The following CDH12 variants were observed in gnomAD, a reference collection of about 807,000 sequenced individuals.
CDH12 encodes cadherin 12.
In CDH12, 41 loss-of-function variants were observed where a neutral mutation model predicts 74.1. That is an observed-to-expected ratio of 0.55 (90% CI 0.43 to 0.72). The LOEUF is 0.72. Ranked by LOEUF, CDH12 falls within the 30% of genes least tolerant of loss-of-function variation. The probability of loss-of-function intolerance (pLI) is 0.00; values close to 1 mark genes in which losing one functional copy is unlikely to be tolerated. For missense variants in CDH12, 945 were observed against 977.2 expected (o/e 0.97, Z 0.44); for synonymous variants, 399 against 355.0 (o/e 1.12, Z -1.39).
intron 3 of CDH12, among the ~76,000 whole-genome samples, chr5:22,389,101 G>A (rs1393170411): frequency 6.6e-6 from 1 of 152,078 alleles, no homozygotes; most frequent in Non-Finnish European, 1.5e-5. Flanking sequence ...TCTAACTAAT[G>A]TCCATTTCCT....
intron 3 of CDH12, among the ~76,000 whole-genome samples, chr5:22,345,415 A>G (rs1352752510): frequency 1.3e-5 from 2 of 152,174 alleles, no homozygotes; most frequent in African/African-American, 4.8e-5. Flanking sequence ...GCATTGTTCT[A>G]AACTAAATAA....
At chr5:22,578,152 T>C (rs538741699) in intron 1 of CDH12, among the ~76,000 whole-genome samples, 1 of 152,342 alleles carries the variant, frequency 6.6e-6, no homozygotes, top group South Asian at 2.1e-4. Flanking sequence ...ATATCCAGTG[T>C]CTTTCTACTC....
chr5:22,458,902 T>C (rs1184581676), intron 2 of CDH12, among the ~76,000 whole-genome samples: 1 of 152,156 alleles, frequency 6.6e-6, no homozygotes, highest in Non-Finnish European at 1.5e-5. Context: ...GGTTTTGTTT[T>C]GGGTTTTTTC....
rs1752707404 is a variant in CDH12, at chr5:21,887,831, A to T, written c.527-33041T>A. Among the ~76,000 whole-genome samples, 7 of 152,108 alleles carry T rather than the reference A, an allele frequency of 4.6e-5. No individual in the cohort carries two copies. In the South Asian group the frequency reaches 1.5e-3, roughly 32 times the overall value. ...AGGGCCCGGGTAATTCACTGTTATG[A>T]GGGCACAACAGCTAGGAATTCAAAT... is the stretch of plus-strand genomic sequence containing the variant. On this transcript the variant is annotated intron_variant, in intron 6 of 14. Transcript: ENST00000382254.
At chr5:22,407,198 C>A (rs183677460) in intron 2 of CDH12, among the ~76,000 whole-genome samples, 138 of 152,164 alleles carry the variant, frequency 9.1e-4, no homozygotes, top group African/African-American at 3.2e-3. Flanking sequence ...CAAAAATTAT[C>A]ATTTAAGTTA....
chr5:22,207,377 G>C (rs1751279481), intron 4 of CDH12, among the ~76,000 whole-genome samples: 1 of 152,016 alleles, frequency 6.6e-6, no homozygotes, highest in South Asian at 2.1e-4. Context: ...AGCTTTGCAG[G>C]CTCTACAATC....
intron 3 of CDH12, among the ~76,000 whole-genome samples, chr5:22,257,709 C>A (rs1753368550): frequency 6.6e-6 from 1 of 151,966 alleles, no homozygotes; most frequent in Non-Finnish European, 1.5e-5. Context: ...CTATGTTAGC[C>A]AGCATGGTCT....
chr5:22,170,989 T>C (rs1361599995), intron 4 of CDH12, among the ~76,000 whole-genome samples: 1 of 151,888 alleles, frequency 6.6e-6, no homozygotes, highest in Admixed American at 6.6e-5. Context: ...TGCTTAAAAA[T>C]AGGTGCTGTC....
chr5:21,932,966 T>G, intron 6 of CDH12, among the ~76,000 whole-genome samples: 1 of 151,034 alleles, frequency 6.6e-6, no homozygotes, highest in African/African-American at 2.4e-5. Flanking sequence ...TTCTTTATCA[T>G]TGTATCTAGT....
chr5:21,870,111 A>G (rs1751539063), intron 6 of CDH12, among the ~76,000 whole-genome samples: 1 of 152,152 alleles, frequency 6.6e-6, no homozygotes, highest in African/African-American at 2.4e-5. Context: ...CCATGTAAGA[A>G]GTGACTTGCT....
intron 6 of CDH12, among the ~76,000 whole-genome samples, chr5:21,865,851 G>T (rs567687454): frequency 5.3e-5 from 8 of 152,238 alleles, no homozygotes; most frequent in Non-Finnish European, 1.5e-5. Flanking sequence ...ACATCTGTAC[G>T]AATGAGGCCA....
chr5:22,522,038 G>A (rs1737076870), intron 1 of CDH12, among the ~76,000 whole-genome samples: 1 of 152,116 alleles, frequency 6.6e-6, no homozygotes, highest in Admixed American at 6.5e-5. Flanking sequence ...AGCGTATCAG[G>A]AAAGTTTTAT....
rs529603664 is a variant in CDH12, at chr5:22,249,517, T to G, written c.-332-36874A>C. Reference sequence around the variant, plus strand: ...TCTGTGAGAAGAACATTTTGACACATCAAAGAGCCTCAAGGAGCTGGTTTA... The same window carrying G: ...TCTGTGAGAAGAACATTTTGACACAGCAAAGAGCCTCAAGGAGCTGGTTTA... On this transcript the variant is annotated intron_variant, in intron 3 of 14. Transcript: ENST00000382254. Among the ~76,000 whole-genome samples, 4 of 152,268 alleles carry G rather than the reference T, an allele frequency of 2.6e-5. No homozygotes were observed. In the East Asian group the frequency reaches 7.7e-4, roughly 29 times the overall value.
intron 2 of CDH12, among the ~76,000 whole-genome samples, chr5:22,423,502 C>A (rs527275000): frequency 3.5e-4 from 53 of 152,300 alleles, no homozygotes; most frequent in Admixed American, 1.4e-3. Flanking sequence ...CATCCTGACA[C>A]TTTTTGAATG....
At chr5:21,847,521 A>G (rs993213300) in intron 7 of CDH12, among the ~76,000 whole-genome samples, 2 of 151,694 alleles carry the variant, frequency 1.3e-5, no homozygotes, top group East Asian at 3.9e-4. Context: ...CTGGCTCCTG[A>G]CCTCCTTCTT....
rs114677289 is a variant in CDH12, at chr5:21,906,055, A to C, written c.527-51265T>G. Among the ~76,000 whole-genome samples, 1,236 of 152,320 alleles carry C rather than the reference A, an allele frequency of 8.1e-3. 14 individuals carry two copies. Among genetic ancestry groups the C allele is most frequent in the African/African-American group, 0.028 (1,165 of 41,566 alleles). ...GATTAAAATAAATCCATAATATGTTACTATAAGTACATATTTATATTTATA... is the reference window on the plus strand; with the variant it reads ...GATTAAAATAAATCCATAATATGTTCCTATAAGTACATATTTATATTTATA... On this transcript the variant is annotated intron_variant, in intron 6 of 14. Coordinates refer to ENST00000382254, the MANE Select transcript of CDH12 (RefSeq NM_004061.5).
At chr5:22,461,858 G>T (rs888620766) in intron 2 of CDH12, among the ~76,000 whole-genome samples, 1 of 150,832 alleles carries the variant, frequency 6.6e-6, no homozygotes, top group African/African-American at 2.4e-5. Flanking sequence ...TGTTATATGA[G>T]CATATGAATA....
chr5:22,724,981 T>C (rs1022369409), intron 1 of CDH12, among the ~76,000 whole-genome samples: 3 of 151,874 alleles, frequency 2.0e-5, no homozygotes, highest in Admixed American at 1.3e-4. Context: ...TTTCCAGTAA[T>C]AGGAAATATT....
chr5:22,625,437 A>G (rs532941192), intron 1 of CDH12, among the ~76,000 whole-genome samples: 1 of 152,322 alleles, frequency 6.6e-6, no homozygotes, highest in African/African-American at 2.4e-5. Flanking sequence ...GATCCCATGG[A>G]CACTTAAGCT....
Sources: allele counts gnomAD v4.1 joint callset (sites outside exome capture counted in the v4.1 genomes callset), GRCh38; gene constraint gnomAD v4.1.1; transcripts MANE v1.5; gene names NCBI Gene and HGNC (gene_info 2026-07-23, HGNC 2026-07-21).